ARID1B: variants seen among roughly 807,000 people sequenced by gnomAD.
The protein encoded by ARID1B is AT-rich interaction domain 1B.
ARID1B carries 30 observed loss-of-function variants against 212.3 expected under a neutral mutation model. That is an observed-to-expected ratio of 0.14 (90% confidence interval 0.11 to 0.19). The LOEUF (loss-of-function observed/expected upper bound fraction) is 0.19, where lower values mean the gene tolerates loss of function less well. Among genes scored for constraint, ARID1B ranks in the 10% least tolerant of loss-of-function variants. ARID1B has a pLI of 1.00. For missense variants in ARID1B, 2,891 were observed against 3,204.0 expected (o/e 0.90, Z 2.36); for synonymous variants, 1,402 against 1,301.7 (o/e 1.08, Z -1.66).
chr6:157,033,836 A>C (rs1429864203), intron 4 of ARID1B, among the ~76,000 whole-genome samples: 1 of 152,204 alleles, frequency 6.6e-6, no homozygotes, highest in East Asian at 1.9e-4. Context: ...GAGTTAATGG[A>C]AAGGGCCTTG....
At chr6:157,019,320 T>A (rs1780087441) in intron 4 of ARID1B, among the ~76,000 whole-genome samples, 1 of 152,192 alleles carries the variant, frequency 6.6e-6, no homozygotes, top group African/African-American at 2.4e-5. Flanking sequence ...GGCTAGTCTG[T>A]ATTTCAGGAA....
At chr6:157,176,783 T>C (rs1009758868) in intron 11 of ARID1B, among the ~76,000 whole-genome samples, 1 of 152,038 alleles carries the variant, frequency 6.6e-6, no homozygotes, top group Non-Finnish European at 1.5e-5. Flanking sequence ...GAGGCGGAGG[T>C]TGCAGTGAGC....
In ARID1B at chr6:156,778,247, A is replaced by G; in HGVS notation, c.567A>G (p.Leu189=). 1 of 1,541,170 alleles carries G rather than the reference A, an allele frequency of 6.5e-7. No individual in the cohort carries two copies. The highest frequency in any genetic ancestry group is 1.4e-5 in the African/African-American group (1 of 72,836). ...HAHHLHHHHA[L]QQQLNQFQQQ... Reference sequence around the variant, plus strand: ...ACCACCTCCACCACCACCACGCACTACAGCAGCAGCTAAACCAGTTCCAGC... The same window carrying G: ...ACCACCTCCACCACCACCACGCACTGCAGCAGCAGCTAAACCAGTTCCAGC... The change falls in exon 1 of 20, where the codon CTA becomes CTG. Residue 189 remains leucine (L), a synonymous_variant. Transcript: ENST00000636930.
intron 4 of ARID1B, among the ~76,000 whole-genome samples, chr6:157,006,553 A>C (rs192891696): frequency 6.6e-6 from 1 of 152,216 alleles, no homozygotes; most frequent in East Asian, 1.9e-4. Context: ...AGTTACCAGT[A>C]AACACACAGT....
At chr6:157,093,765 A>G (rs149811791) in intron 5 of ARID1B, among the ~76,000 whole-genome samples, 67 of 152,348 alleles carry the variant, frequency 4.4e-4, no homozygotes, top group Non-Finnish European at 8.7e-4. Flanking sequence ...GAAAAGTAGC[A>G]TGTTGCACTT....
chr6:157,007,726 G>GTTT (rs34711541), intron 4 of ARID1B, among the ~76,000 whole-genome samples: 6 of 138,410 alleles, frequency 4.3e-5, no homozygotes, highest in African/African-American at 1.1e-4. Flanking sequence ...GCCCTAAGTT[G>GTTT]TTTTTTTTTT....
At chr6:156,894,605 T>C (rs1430143122) in intron 2 of ARID1B, among the ~76,000 whole-genome samples, 2 of 152,232 alleles carry the variant, frequency 1.3e-5, no homozygotes, top group East Asian at 1.9e-4. Context: ...CACACTTGAA[T>C]ACGTCTCTGA....
In ARID1B at chr6:156,875,756, G is replaced by A. The variant is rs556386257; in HGVS notation, c.1987-25620G>A. On this transcript the variant is annotated intron_variant, in intron 2 of 19. Coordinates refer to ENST00000636930, the MANE Select transcript of ARID1B (RefSeq NM_001374828.1). ...GTTTTCTTTGTCTTAATAAAAGGAT[G>A]GCTTACTGCCGTGTTGTGCTGTTGT... is the stretch of plus-strand genomic sequence containing the variant. 2.0e-4 allele frequency among the ~76,000 whole-genome samples: 31 copies of A among 152,266 alleles called. No individual in the cohort carries two copies. In the South Asian group the frequency reaches 5.0e-3, roughly 24 times the overall value.
At chr6:156,994,443 G>GGCTCCGTTAT (rs1362163464) in intron 4 of ARID1B, among the ~76,000 whole-genome samples, 3 of 151,880 alleles carry the variant, frequency 2.0e-5, no homozygotes, top group African/African-American at 4.8e-5. Flanking sequence ...GAATTTACGA[G>GGCTCCGTTAT]GCTCCGTTAT....
intron 4 of ARID1B, among the ~76,000 whole-genome samples, chr6:156,953,877 A>G (rs1793768251): frequency 6.6e-6 from 1 of 152,188 alleles, no homozygotes; most frequent in Non-Finnish European, 1.5e-5. Context: ...TTACTGAACT[A>G]TCCCCTTTTA....
intron 4 of ARID1B, among the ~76,000 whole-genome samples, chr6:156,946,233 A>G (rs11961462): frequency 0.057 from 8,537 of 150,440 alleles, 525 homozygotes; most frequent in East Asian, 0.25. Context: ...TTCGCCGGGC[A>G]TGGCAGTGCA....
At chr6:157,082,749 G>T (rs1287176943) in intron 4 of ARID1B, among the ~76,000 whole-genome samples, 2 of 152,112 alleles carry the variant, frequency 1.3e-5, no homozygotes, top group Non-Finnish European at 2.9e-5. Flanking sequence ...TTTTCTAGGG[G>T]TGCTGTTTGC....
intron 4 of ARID1B, among the ~76,000 whole-genome samples, chr6:157,001,716 A>G (rs1437462948): frequency 1.3e-5 from 2 of 152,260 alleles, no homozygotes; most frequent in Non-Finnish European, 2.9e-5. Flanking sequence ...TCCTGGGCTT[A>G]TAAGCATTTA....
chr6:157,099,132 G>C (rs1438176026), intron 5 of ARID1B, among the ~76,000 whole-genome samples: 1 of 152,010 alleles, frequency 6.6e-6, no homozygotes, highest in Non-Finnish European at 1.5e-5. Flanking sequence ...CATTTTTGTA[G>C]AGACAGGGTT....
chr6:156,857,581 G>A (rs1435871671), intron 2 of ARID1B, among the ~76,000 whole-genome samples: 3 of 152,220 alleles, frequency 2.0e-5, no homozygotes, highest in Non-Finnish European at 4.4e-5. Context: ...CCATGACCAA[G>A]GTGCTGGCCA....
At chr6:156,993,115 T>C (rs1583099069) in intron 4 of ARID1B, among the ~76,000 whole-genome samples, 2 of 150,482 alleles carry the variant, frequency 1.3e-5, no homozygotes, top group Middle Eastern at 6.8e-3. Flanking sequence ...TGATCTCGGC[T>C]CACTGCAAAC....
At chr6:157,056,489 C>CAGT (rs1283413077) in intron 4 of ARID1B, among the ~76,000 whole-genome samples, 1 of 152,210 alleles carries the variant, frequency 6.6e-6, no homozygotes, top group African/African-American at 2.4e-5. Context: ...TTTCTTACTA[C>CAGT]AGGCTCTTAC....
At chr6:156,800,000 C>G (rs1168641232) in intron 1 of ARID1B, among the ~76,000 whole-genome samples, 1 of 152,164 alleles carries the variant, frequency 6.6e-6, no homozygotes, top group South Asian at 2.1e-4. Context: ...CACCCCCACC[C>G]CTGCCATGGA....
At chr6:157,064,822 C>A (rs1421695958) in intron 4 of ARID1B, among the ~76,000 whole-genome samples, 2 of 152,204 alleles carry the variant, frequency 1.3e-5, no homozygotes, top group Admixed American at 1.3e-4. Context: ...CCCTGCCCTT[C>A]AGCCCCGGCT....
Sources: gnomAD v4.1 joint callset for allele counts (sites outside exome capture counted in the v4.1 genomes callset) on GRCh38, gnomAD v4.1.1 for gene constraint, MANE v1.5 for transcripts, NCBI Gene and HGNC (gene_info 2026-07-23, HGNC 2026-07-21) for gene names.